DYNC2H1: variants seen among roughly 807,000 people sequenced by gnomAD.
DYNC2H1 encodes the protein cytoplasmic dynein 2 heavy chain 1.
A neutral mutation model predicts 570.0 loss-of-function variants in DYNC2H1; 410 were observed. The ratio of observed to expected loss-of-function variants is 0.72; its 90% CI spans 0.66 to 0.78. DYNC2H1 has a LOEUF of 0.78. DYNC2H1 is among the 30% of genes least tolerant of loss of function. The probability of loss-of-function intolerance (pLI) is 0.00; values close to 1 mark genes in which losing one functional copy is unlikely to be tolerated. For missense variants in DYNC2H1, 4,865 were observed against 5,046.4 expected (o/e 0.96, Z 1.09); for synonymous variants, 1,688 against 1,677.6 (o/e 1.01, Z -0.15).
intron 11 of DYNC2H1, among the ~76,000 whole-genome samples, chr11:103,124,095 G>A (rs917922244): frequency 1.3e-5 from 2 of 151,814 alleles, no homozygotes; most frequent in African/African-American, 4.8e-5. Context: ...TTTGTTCTTT[G>A]CTTTTCAGTA....
rs1864865915 is a variant in DYNC2H1 at position 103,252,317 on chromosome 11, G to A, written c.10043-968G>A. Among the ~76,000 whole-genome samples the A allele has an allele frequency of 2.0e-5, 3 of 152,044 alleles. No homozygotes were observed. Among genetic ancestry groups the A allele is most frequent in the Admixed American group, 2.0e-4 (3 of 15,256 alleles). On this transcript the variant is annotated intron_variant, in intron 65 of 88. Coordinates refer to ENST00000375735, the MANE Select transcript of DYNC2H1 (RefSeq NM_001377.3). This position sits in a 1 kb window ranked among gnomAD's most constrained non-coding sequence, Gnocchi z 4.6. ...GTTGTGAATAATGCTGTGAAGAAATGGGAGTGCAGATATCTTTATGAGGTG... is the reference window on the plus strand; with the variant it reads ...GTTGTGAATAATGCTGTGAAGAAATAGGAGTGCAGATATCTTTATGAGGTG...
In DYNC2H1 at chr11:103,148,524, G is replaced by A. The variant is rs1404677273; in HGVS notation, c.2853G>A (p.Glu951=). 8 of 1,564,578 alleles carry A rather than the reference G, an allele frequency of 5.1e-6. No individual in the cohort carries two copies. Among genetic ancestry groups the A allele is most frequent in the Non-Finnish European group, 6.9e-6 (8 of 1,152,836 alleles). Reference sequence around the variant, plus strand: ...ATGAAATTGATACATTTGTTACTGAGGCTATGGAAGTCTTAACAATTATGC... The same window carrying A: ...ATGAAATTGATACATTTGTTACTGAAGCTATGGAAGTCTTAACAATTATGC... The part of the protein sequence containing the change: ...HLHEIDTFVT[E]AMEVLTIMPQ... Residue 951 remains glutamate (E), a synonymous_variant, in exon 20 of 89, where the codon GAG becomes GAA. Coordinates refer to ENST00000375735, the MANE Select transcript of DYNC2H1 (RefSeq NM_001377.3).
chr11:103,407,319 C>T (rs946486949), intron 84 of DYNC2H1: 2 of 151,760 alleles, frequency 1.3e-5, no homozygotes, highest in South Asian at 4.1e-4. Flanking sequence ...TTTAGGACAT[C>T]GCGTAATAGG....
intron 20 of DYNC2H1, among the ~76,000 whole-genome samples, chr11:103,150,855 C>T (rs953093757): frequency 6.6e-6 from 1 of 151,852 alleles, no homozygotes; most frequent in African/African-American, 2.4e-5. Flanking sequence ...GAACAGCAAG[C>T]AATTAGGTAT....
chr11:103,183,056 T>G (rs1421617409), intron 40 of DYNC2H1, among the ~76,000 whole-genome samples: 1 of 151,868 alleles, frequency 6.6e-6, no homozygotes, highest in Admixed American at 6.6e-5. Context: ...CTACCAACTA[T>G]GTTATAATTG....
chr11:103,154,631 A>G, intron 23 of DYNC2H1, 25 bp downstream of exon 23: 1 of 1,581,288 alleles, frequency 6.3e-7, no homozygotes, highest in Non-Finnish European at 8.6e-7. Flanking sequence ...CAATATTTAG[A>G]CTAATAATTT....
At chr11:103,400,693 C>T (rs570022951) in intron 84 of DYNC2H1, among the ~76,000 whole-genome samples, 106 of 151,042 alleles carry the variant, frequency 7.0e-4, no homozygotes, top group Non-Finnish European at 1.4e-3. Flanking sequence ...TGTTTGTACT[C>T]AATATAGGGA....
chr11:103,119,527 A>T (rs183996204), intron 6 of DYNC2H1, among the ~76,000 whole-genome samples: 1 of 152,004 alleles, frequency 6.6e-6, no homozygotes, highest in Non-Finnish European at 1.5e-5. Flanking sequence ...TTTAGTAGAG[A>T]TGGAGTTTCG....
intron 82 of DYNC2H1, among the ~76,000 whole-genome samples, chr11:103,328,741 GTTTTT>G (rs1236622962): frequency 6.6e-6 from 1 of 152,132 alleles, no homozygotes; most frequent in Non-Finnish European, 1.5e-5. Flanking sequence ...GTAGTTAGCA[GTTTTT>G]TTGTTTTTGT....
At position 103,261,779 on chromosome 11, in the gene DYNC2H1, G is replaced by T. The variant is rs1006618423; in HGVS notation, c.10695+1802G>T. ...AAAAGACTGAAAATTCCAAAAACCA[G>T]AATGCCTCTTTTTCTCCAAAGGATC... On this transcript the variant is annotated intron_variant, in intron 70 of 88. Coordinates refer to ENST00000375735, the MANE Select transcript of DYNC2H1 (RefSeq NM_001377.3). The surrounding 1 kb of genome is among the most constrained non-coding windows in gnomAD (Gnocchi z 4.8). Among the ~76,000 whole-genome samples, 1 of 152,158 alleles carries T rather than the reference G, an allele frequency of 6.6e-6. No individual in the cohort carries two copies. The highest frequency in any genetic ancestry group is 2.4e-5 in the African/African-American group (1 of 41,426).
intron 59 of DYNC2H1, among the ~76,000 whole-genome samples, chr11:103,227,497 T>A (rs530520087): frequency 7.2e-5 from 11 of 152,312 alleles, no homozygotes; most frequent in African/African-American, 2.6e-4. Flanking sequence ...GTTTTGAAGG[T>A]CCCTTTTGGA....
intron 54 of DYNC2H1, among the ~76,000 whole-genome samples, chr11:103,214,720 G>A (rs560223856): frequency 4.3e-4 from 66 of 151,742 alleles, no homozygotes; most frequent in African/African-American, 1.6e-3. Context: ...TGGGATTAGA[G>A]GTGTGAGCCA....
rs914795251 is a variant in DYNC2H1 at position 103,325,805 on chromosome 11, A to G, written c.12039+1815A>G. On this transcript the variant is annotated intron_variant, in intron 82 of 88. Coordinates refer to ENST00000375735, the MANE Select transcript of DYNC2H1 (RefSeq NM_001377.3). This position sits in a 1 kb window ranked among gnomAD's most constrained non-coding sequence, Gnocchi z 4.8. ...GAATTTTGTTGAGCTTTTTTGCCAC[A>G]TTCTGCATTCTACGTCATTTCAGAC... Among the ~76,000 whole-genome samples, 1 of 152,114 alleles carries G rather than the reference A, an allele frequency of 6.6e-6. No individual in the cohort carries two copies. Among genetic ancestry groups the G allele is most frequent in the Non-Finnish European group, 1.5e-5 (1 of 68,028 alleles).
rs1231612944 is a variant in DYNC2H1 at position 103,147,527 on chromosome 11, G to T, written c.2703-245G>T. ...AATTCATAACATACCACCTTTTTTTGAAGCTGATATGCTGGATGATTAAAC... is the reference window on the plus strand; with the variant it reads ...AATTCATAACATACCACCTTTTTTTTAAGCTGATATGCTGGATGATTAAAC... On this transcript the variant is annotated intron_variant, in intron 18 of 88. Coordinates refer to ENST00000375735, the MANE Select transcript of DYNC2H1 (RefSeq NM_001377.3). Among the ~76,000 whole-genome samples, 4 of 151,560 alleles carry T rather than the reference G, an allele frequency of 2.6e-5. No homozygotes were observed. The East Asian group carries it at 7.7e-4, about 29-fold the overall frequency.
chr11:103,342,585 C>G (rs1939518587), intron 82 of DYNC2H1, among the ~76,000 whole-genome samples: 1 of 151,382 alleles, frequency 6.6e-6, no homozygotes, highest in Non-Finnish European at 1.5e-5. Flanking sequence ...TCACTGCAAG[C>G]TCCGCCTCCC....
chr11:103,415,510 A>T (rs935021422), intron 84 of DYNC2H1, among the ~76,000 whole-genome samples: 5 of 152,220 alleles, frequency 3.3e-5, no homozygotes, highest in Admixed American at 2.6e-4. Flanking sequence ...GACACTTCTC[A>T]AAAGAAGACA....
chr11:103,195,816 T>C (rs966942732), intron 47 of DYNC2H1, among the ~76,000 whole-genome samples: 5 of 152,204 alleles, frequency 3.3e-5, no homozygotes, highest in Admixed American at 6.5e-5. Flanking sequence ...TTTCTTTCAT[T>C]AGTTTTGTGT....
intron 32 of DYNC2H1, among the ~76,000 whole-genome samples, chr11:103,169,609 G>A (rs573512045): frequency 4.8e-4 from 73 of 152,090 alleles, no homozygotes; most frequent in African/African-American, 1.7e-3. Flanking sequence ...AGCTGGAATG[G>A]GAGTCTGTTT....
Position 103,334,239 on chromosome 11 carries a change from C to G in DYNC2H1, c.12039+10249C>G, listed in dbSNP as rs1396330966. Among the ~76,000 whole-genome samples the G allele has an allele frequency of 1.3e-5, 2 of 152,130 alleles. No homozygotes were observed. The highest frequency in any genetic ancestry group is 2.9e-5 in the Non-Finnish European group (2 of 68,012). On this transcript the variant is annotated intron_variant, in intron 82 of 88. Coordinates refer to ENST00000375735, the MANE Select transcript of DYNC2H1 (RefSeq NM_001377.3). This position sits in a 1 kb window ranked among gnomAD's most constrained non-coding sequence, Gnocchi z 4.3. The stretch of plus-strand genomic sequence containing the variant: ...GGCAAACACAATAATCTATTCTAGT[C>G]TCTTCACCAGGTAGCTGTGTGACTA...
Sources: allele counts gnomAD v4.1 joint callset (sites outside exome capture counted in the v4.1 genomes callset), GRCh38; gene constraint gnomAD v4.1.1; non-coding constraint Gnocchi (gnomAD v3.1); transcripts MANE v1.5; gene names NCBI Gene and HGNC (gene_info 2026-07-23, HGNC 2026-07-21).